SPEN: variants seen among roughly 807,000 people sequenced by gnomAD.
SPEN encodes msx2-interacting protein.
A neutral mutation model predicts 269.9 loss-of-function variants in SPEN; 18 were observed. The ratio of observed to expected loss-of-function variants is 0.07; its 90% confidence interval spans 0.05 to 0.10. The LOEUF (loss-of-function observed/expected upper bound fraction) is 0.10. Ranked by LOEUF, SPEN falls within the 10% of genes least tolerant of loss-of-function variation. SPEN has a pLI of 1.00. For missense variants in SPEN, 3,822 were observed against 4,631.2 expected (o/e 0.83, Z 5.07); for synonymous variants, 1,726 against 1,765.7 (o/e 0.98, Z 0.56).
At chr1:15,865,187 G>T (rs2070491627) in intron 1 of SPEN, among the ~76,000 whole-genome samples, 1 of 151,878 alleles carries the variant, frequency 6.6e-6, no homozygotes, top group African/African-American at 2.4e-5. Context: ...GAGTAGCTGG[G>T]ACTACAGGCG....
In SPEN at chr1:15,928,371, T is replaced by G. The variant is rs1315249050; in HGVS notation, c.2131T>G (p.Ser711Ala). The part of the protein sequence containing the change: ...ERERERERFE[S>A]DRDRDHERRP... ...AGAAAGAGAACGTGAAAGATTTGAG[T>G]CTGACCGGGACAGAGACCATGAGAG... is the stretch of plus-strand genomic sequence containing the variant. Residue 711 changes from serine to alanine, a missense_variant, in exon 11 of 15, where the codon TCT becomes GCT. Ser to Ala is a moderately conservative substitution (Grantham distance 99). This residue lies in a region of SPEN where 572 missense variants were observed against 582.6 expected (regional missense o/e 0.98). Transcript: ENST00000375759. This position sits in a 1 kb window ranked among gnomAD's most constrained non-coding sequence, Gnocchi z 5.7. The G allele has an allele frequency of 1.9e-6, 3 of 1,614,108 alleles. No homozygotes were observed. The highest frequency in any genetic ancestry group is 2.5e-6 in the Non-Finnish European group (3 of 1,180,016).
At chr1:15,895,142 G>T (rs112205279) in intron 3 of SPEN, among the ~76,000 whole-genome samples, 6 of 152,162 alleles carry the variant, frequency 3.9e-5, no homozygotes, top group African/African-American at 1.4e-4. Context: ...GGCTGATCTC[G>T]AGCTCCCGAC....
In SPEN at chr1:15,847,759, C is replaced by T. The variant is rs981014029; in HGVS notation, c.-309C>T. 6.0e-5 allele frequency: 12 copies of T among 198,476 alleles called. No individual in the cohort carries two copies. Among genetic ancestry groups the T allele is most frequent in the Non-Finnish European group, 2.1e-5 (2 of 97,014 alleles). The allele number at this position is 198,476 out of a possible 1,614,324, so 12.3% of individuals were successfully genotyped here. A position where few individuals can be genotyped will look rare whatever the true frequency, so the allele number is the denominator to read the frequency against. On this transcript the variant is annotated 5_prime_UTR_variant, in exon 1 of 15. Coordinates refer to ENST00000375759, the MANE Select transcript of SPEN (RefSeq NM_015001.3). Reference sequence around the variant, plus strand: ...CCAGCTCCGTCGTAGTCGCTGCCGCCCGTGTCCCGCTCGCCCCTCCTCCCG... The same window carrying T: ...CCAGCTCCGTCGTAGTCGCTGCCGCTCGTGTCCCGCTCGCCCCTCCTCCCG...
rs1557759482 is a variant in SPEN, at chr1:15,930,785, TAAA to T, written c.4546_4548del (p.Lys1516del). 3 of 1,614,114 alleles carry T rather than the reference TAAA, an allele frequency of 1.9e-6. No individual in the cohort carries two copies. Among genetic ancestry groups the T allele is most frequent in the African/African-American group, 2.7e-5 (2 of 75,026 alleles). On this transcript the variant is annotated inframe_deletion, in exon 11 of 15. Coordinates refer to ENST00000375759, the MANE Select transcript of SPEN (RefSeq NM_015001.3). This position sits in a 1 kb window ranked among gnomAD's most constrained non-coding sequence, Gnocchi z 5.3. Reference sequence around the variant, plus strand: ...AAATGGATGATAAGAAAGAGGACCATAAAGAAGAAGAGCAAGAGAGGCAGGAAT... The same window carrying T: ...AAATGGATGATAAGAAAGAGGACCATGAAGAAGAGCAAGAGAGGCAGGAAT...
intron 10 of SPEN, among the ~76,000 whole-genome samples, chr1:15,926,987 C>T (rs1410311878): frequency 3.3e-5 from 5 of 152,252 alleles, no homozygotes; most frequent in East Asian, 3.9e-4. Flanking sequence ...CCACCGTGTC[C>T]GGCCAAGTTC....
rs377741531 is a variant in SPEN at position 15,932,802 on chromosome 1, G to A, written c.6562G>A (p.Ala2188Thr). ...IAKLAEASASAAYKADAPEGL... is the reference protein window; with the variant it reads ...IAKLAEASASTAYKADAPEGL... ...AAAGCTCGCTGAGGCCTCTGCCTCT[G>A]CTGCCTATAAGGCAGATGCACCAGA... Residue 2188 changes from alanine (A) to threonine (T), a missense_variant, in exon 11 of 15, where the codon GCT (alanine) becomes ACT (threonine). Transcript: ENST00000375759. The surrounding 1 kb of genome is among the most constrained non-coding windows in gnomAD (Gnocchi z 4.2). 2 of 1,614,100 alleles carry A rather than the reference G, an allele frequency of 1.2e-6. No individual in the cohort carries two copies. The highest frequency in any genetic ancestry group is 1.7e-5 in the Admixed American group (1 of 60,008).
intron 11 of SPEN, 100 bp downstream of exon 11, chr1:15,936,366 T>A (rs560491282): frequency 7.1e-7 from 1 of 1,415,908 alleles, no homozygotes; most frequent in African/African-American, 1.4e-5. Context: ...AGGGGCCAGG[T>A]GTGGTGGCTT....
intron 13 of SPEN, chr1:15,938,460 T>C (rs1413813496): frequency 2.7e-6 from 1 of 377,342 alleles, no homozygotes; most frequent in Non-Finnish European, 4.8e-6. Flanking sequence ...CCACTATGCT[T>C]CTACTTGGTG....
At chr1:15,874,628 C>T (rs1003666162) in intron 2 of SPEN, among the ~76,000 whole-genome samples, 11 of 152,092 alleles carry the variant, frequency 7.2e-5, no homozygotes, top group Non-Finnish European at 1.6e-4. Context: ...ACTTTTTTGC[C>T]TGTTGCTTCT....
chr1:15,929,924 A>G lies in SPEN; in HGVS notation c.3684A>G (p.Lys1228=), dbSNP rs2071204715. 4 of 1,614,160 alleles carry G rather than the reference A, an allele frequency of 2.5e-6. No homozygotes were observed. Among genetic ancestry groups the G allele is most frequent in the Non-Finnish European group, 3.4e-6 (4 of 1,180,042 alleles). Residue 1228 remains lysine (K), a synonymous_variant, in exon 11 of 15, where the codon AAA becomes AAG. Transcript: ENST00000375759. This position sits in a 1 kb window ranked among gnomAD's most constrained non-coding sequence, Gnocchi z 5.8. ...ATGACTCTCCTCCTAGCAAAAAGAA[A>G]AGGATGGATCATGTCGATTTTGATA... ...VTDDSPPSKK[K]RMDHVDFDIC... is the part of the protein sequence containing the mutation.
Position 15,911,199 on chromosome 1 carries a change from G to C in SPEN, c.1141G>C (p.Val381Leu), listed in dbSNP as rs1317430366. Residue 381 changes from valine to leucine, a missense_variant, in exon 5 of 15, where the codon GTA becomes CTA. Transcript: ENST00000375759. Reference sequence around the variant, plus strand: ...AACTTCAGAAGAGAGGTATGGTCTGGTATTCTTTCGGCAGCAAGAGGACCA... The same window carrying C: ...AACTTCAGAAGAGAGGTATGGTCTGCTATTCTTTCGGCAGCAAGAGGACCA... ...HGTSEERYGL[V>L]FFRQQEDQEK... 1.2e-6 allele frequency: 2 copies of C among 1,614,120 alleles called. No individual in the cohort carries two copies. Among genetic ancestry groups the C allele is most frequent in the East Asian group, 4.5e-5 (2 of 44,868 alleles).
In SPEN at chr1:15,847,963, A is replaced by ACCC; in HGVS notation, c.-105_-104insCCC. On this transcript the variant is annotated 5_prime_UTR_variant, in exon 1 of 15. Transcript: ENST00000375759. ...CCGCCGCTGCCGACGCCACCGCCGC[A>ACCC]GCCGCCGCCGCCGCCGCCCCGGCAC... 1 of 600,320 alleles carries ACCC rather than the reference A, an allele frequency of 1.7e-6. No homozygotes were observed. Among genetic ancestry groups the ACCC allele is most frequent in the Non-Finnish European group, 2.4e-6 (1 of 415,874 alleles). The allele number at this position is 600,320 out of a possible 1,614,324, so 37.2% of individuals were successfully genotyped here.
In SPEN at chr1:15,848,048, T is replaced by G. The variant is rs191438797; in HGVS notation, c.-20T>G. 4.3e-6 allele frequency: 6 copies of G among 1,399,998 alleles called. No homozygotes were observed. Among genetic ancestry groups the G allele is most frequent in the Non-Finnish European group, 5.7e-6 (6 of 1,059,052 alleles). The allele number at this position is 1,399,998 out of a possible 1,614,324, so 86.7% of individuals were successfully genotyped here. A position where few individuals can be genotyped will look rare whatever the true frequency, so the allele number is the denominator to read the frequency against. On this transcript the variant is annotated 5_prime_UTR_variant, in exon 1 of 15. Transcript: ENST00000375759. This position sits in a 1 kb window ranked among gnomAD's most constrained non-coding sequence, Gnocchi z 5.1. Reference sequence around the variant, plus strand: ...GGCGAGGGGGAGCCAGCAGCGGCGGTCGCCGGCACGCCGCCCAGCATGGTC... The same window carrying G: ...GGCGAGGGGGAGCCAGCAGCGGCGGGCGCCGGCACGCCGCCCAGCATGGTC...
In SPEN at chr1:15,930,971, A is replaced by C; in HGVS notation, c.4731A>C (p.Gln1577His). The change falls in exon 11 of 15, where the codon CAA (glutamine) becomes CAC (histidine). Residue 1577 changes from glutamine to histidine, a missense_variant. By Grantham distance (24) the Gln-to-His change is conservative. Around this residue, in one of 16 missense-constraint regions of SPEN, gnomAD observed 533 missense variants for 618.8 expected, o/e 0.86. Coordinates refer to ENST00000375759, the MANE Select transcript of SPEN (RefSeq NM_015001.3). The surrounding 1 kb of genome is among the most constrained non-coding windows in gnomAD (Gnocchi z 5.3). ...CAAACAGCACAACTGATTCCATTCA[A>C]GAACCAGTAGTTCTGTTCCATAGCA... ...EGANSTTDSI[Q>H]EPVVLFHSRF... The C allele has an allele frequency of 1.2e-6, 2 of 1,614,194 alleles. No individual in the cohort carries two copies. Among genetic ancestry groups the C allele is most frequent in the Non-Finnish European group, 1.7e-6 (2 of 1,180,042 alleles).
intron 3 of SPEN, among the ~76,000 whole-genome samples, chr1:15,880,187 C>T (rs2070673506): frequency 6.6e-6 from 1 of 152,098 alleles, no homozygotes; most frequent in East Asian, 1.9e-4. Context: ...GGAAGAATCA[C>T]TGAGAGATTC....
chr1:15,912,717 G>T (rs552463208), intron 5 of SPEN, among the ~76,000 whole-genome samples: 457 of 152,216 alleles, frequency 3.0e-3, no homozygotes, highest in African/African-American at 0.01. Flanking sequence ...GAGATGGATT[G>T]CCCTAAATTT....
rs117344991 is a variant in SPEN at position 15,932,959 on chromosome 1, C to T, written c.6719C>T (p.Pro2240Leu). The T allele has an allele frequency of 4.8e-4, 780 of 1,614,204 alleles. 15 individuals are homozygous for T. The East Asian group carries it at 0.017, about 35-fold the overall frequency. The change falls in exon 11 of 15, where the codon CCT becomes CTT. Residue 2240 changes from proline (P) to leucine (L), a missense_variant. Pro to Leu is a moderately conservative substitution (Grantham distance 98, BLOSUM62 -3). This residue lies in a region of SPEN where 727 missense variants were observed against 737.9 expected (regional missense o/e 0.99). Transcript: ENST00000375759. The surrounding 1 kb of genome is among the most constrained non-coding windows in gnomAD (Gnocchi z 4.2). ...PENFPAPPPY[P>L]GESQTDLQPP... ...AACTTCCCAGCACCTCCACCTTATC[C>T]TGGAGAATCCCAGACAGATCTGCAA...
In SPEN at chr1:15,934,188, C is replaced by G; in HGVS notation, c.7948C>G (p.Leu2650Val). Residue 2650 changes from leucine to valine, a missense_variant, in exon 11 of 15, where the codon CTG becomes GTG. Leu to Val is a conservative substitution (Grantham distance 32). Coordinates refer to ENST00000375759, the MANE Select transcript of SPEN (RefSeq NM_015001.3). This position sits in a 1 kb window ranked among gnomAD's most constrained non-coding sequence, Gnocchi z 9.2. ...ACCAGCTCCTCAAACCCTCACTGGTCTGGTGAGCGCACTCACTGGCCTGGT... is the reference window on the plus strand; with the variant it reads ...ACCAGCTCCTCAAACCCTCACTGGTGTGGTGAGCGCACTCACTGGCCTGGT... ...AKPAPQTLTG[L>V]VSALTGLVNV... The G allele has an allele frequency of 6.2e-7, 1 of 1,614,250 alleles. No individual in the cohort carries two copies. Among genetic ancestry groups the G allele is most frequent in the South Asian group, 1.1e-5 (1 of 91,084 alleles).
At chr1:15,889,882 T>G (rs529032155) in intron 3 of SPEN, among the ~76,000 whole-genome samples, 1 of 152,040 alleles carries the variant, frequency 6.6e-6, no homozygotes, top group Non-Finnish European at 1.5e-5. Context: ...CCCAGCTAAT[T>G]TCTGTATTTT....
Sources: allele counts gnomAD v4.1 joint callset (sites outside exome capture counted in the v4.1 genomes callset), GRCh38; gene constraint gnomAD v4.1.1; regional missense constraint gnomAD v4.1.1; non-coding constraint Gnocchi (gnomAD v3.1); transcripts MANE v1.5; gene names NCBI Gene and HGNC (gene_info 2026-07-23, HGNC 2026-07-21).